PHACTR3: variants seen among roughly 807,000 people sequenced by gnomAD.
The protein encoded by PHACTR3 is protein phosphatase 1, regulatory subunit 123.
In PHACTR3, 16 loss-of-function variants were observed where a neutral mutation model predicts 66.8. The observed-to-expected ratio is 0.24, with a 90% CI of 0.16 to 0.36. The LOEUF (loss-of-function observed/expected upper bound fraction) is 0.36. PHACTR3 is among the 10% of genes least tolerant of loss of function. PHACTR3 has a pLI of 1.00. For synonymous variants in PHACTR3, 323 were observed against 292.1 expected (o/e 1.11, Z -1.08); for missense variants, 647 against 719.9 (o/e 0.90, Z 1.16).
At chr20:59,795,338 G>A (rs936141646) in intron 7 of PHACTR3, among the ~76,000 whole-genome samples, 4 of 152,086 alleles carry the variant, frequency 2.6e-5, no homozygotes, top group African/African-American at 9.7e-5. Flanking sequence ...TACCTTTGTA[G>A]TCAAAGAAGA....
In PHACTR3 at chr20:59,845,128, G is replaced by T. The variant is rs367583477; in HGVS notation, c.1588-61G>T. ...TTAGGAATGGTTAATTTATAAACAC[G>T]ATGCTAATTTCCTGATTTTTTTAAT... On this transcript the variant is annotated intron_variant, in intron 11 of 12. Coordinates refer to ENST00000371015, the MANE Select transcript of PHACTR3 (RefSeq NM_080672.5). The T allele has an allele frequency of 2.9e-6, 3 of 1,032,800 alleles. No homozygotes were observed. In the African/African-American group the frequency reaches 4.8e-5, roughly 17 times the overall value. 64.0% of individuals were successfully genotyped at this position (1,032,800 alleles called of 1,614,324 possible).
At position 59,650,596 on chromosome 20, in the gene PHACTR3, C is replaced by T. The variant is rs542265055; in HGVS notation, c.118+45464C>T. On this transcript the variant is annotated intron_variant, in intron 1 of 12. Transcript: ENST00000371015. ...CTGATGTTAGTGTAAATGGGTGTGA[C>T]CGCTTTGGAGAGCAATATGACCTAT... Among the ~76,000 whole-genome samples, 32 of 152,134 alleles carry T rather than the reference C, an allele frequency of 2.1e-4. No individual in the cohort carries two copies. In the South Asian group the frequency reaches 3.1e-3, roughly 15 times the overall value.
chr20:59,816,002 C>T (rs2041876892), intron 8 of PHACTR3, among the ~76,000 whole-genome samples: 2 of 152,000 alleles, frequency 1.3e-5, no homozygotes, highest in African/African-American at 2.4e-5. Flanking sequence ...AAGCACATTA[C>T]CTTTATTGTA....
chr20:59,659,987 G>C (rs2035756199), intron 1 of PHACTR3, among the ~76,000 whole-genome samples: 1 of 152,174 alleles, frequency 6.6e-6, no homozygotes, highest in Non-Finnish European at 1.5e-5. Flanking sequence ...ATGCCCTGGA[G>C]AGGTTTCTCC....
rs770238954 is a variant in PHACTR3, at chr20:59,605,144, G to A, written c.118+12G>A. 7.6e-7 allele frequency: 1 copy of A among 1,311,024 alleles called. No homozygotes were observed. The highest frequency in any genetic ancestry group is 9.8e-7 in the Non-Finnish European group (1 of 1,023,580). The allele number at this position is 1,311,024 out of a possible 1,614,324, so 81.2% of individuals were successfully genotyped here. On this transcript the variant is annotated intron_variant, in intron 1 of 12. Transcript: ENST00000371015. Reference sequence around the variant, plus strand: ...CGGGGAGAACCCAGGTAACGGGCTGGGCGGGGGCGGCGGGCGGGTCGGGGA... The same window carrying A: ...CGGGGAGAACCCAGGTAACGGGCTGAGCGGGGGCGGCGGGCGGGTCGGGGA...
intron 1 of PHACTR3, among the ~76,000 whole-genome samples, chr20:59,605,846 C>CG (rs200107140): frequency 0.37 from 2,839 of 7,684 alleles, 183 homozygotes; most frequent in East Asian, 0.57. Context: ...CCTAATAAAG[C>CG]GGGGGGGGAG....
chr20:59,681,749 C>T (rs1240478445), intron 1 of PHACTR3, among the ~76,000 whole-genome samples: 9 of 152,304 alleles, frequency 5.9e-5, no homozygotes, highest in African/African-American at 1.4e-4. Flanking sequence ...GGCGGCTCAC[C>T]CCTGTAATCT....
At chr20:59,618,253 T>C (rs553425299) in intron 1 of PHACTR3, among the ~76,000 whole-genome samples, 10 of 151,722 alleles carry the variant, frequency 6.6e-5, no homozygotes, top group Non-Finnish European at 1.2e-4. Context: ...AGCCAGACGG[T>C]TGGGGCCTCC....
chr20:59,593,500 T>TA (rs1342805192), intron 1 of PHACTR3, among the ~76,000 whole-genome samples: 1 of 152,002 alleles, frequency 6.6e-6, no homozygotes, highest in Non-Finnish European at 1.5e-5. Flanking sequence ...CTTTTTTTTT[T>TA]AATGAAGTCC....
chr20:59,810,619 C>CT (rs1222948486), intron 8 of PHACTR3, among the ~76,000 whole-genome samples: 1 of 152,194 alleles, frequency 6.6e-6, no homozygotes, highest in African/African-American at 2.4e-5. Context: ...TTGCGATTTC[C>CT]TTTTTTTAAT....
At chr20:59,726,320 T>A (rs977322229) in intron 1 of PHACTR3, among the ~76,000 whole-genome samples, 1 of 152,158 alleles carries the variant, frequency 6.6e-6, no homozygotes. Flanking sequence ...GCCTGGTGTG[T>A]GTGACCAGAA....
At chr20:59,598,584 G>A (rs1306852587) in intron 1 of PHACTR3, among the ~76,000 whole-genome samples, 1 of 152,206 alleles carries the variant, frequency 6.6e-6, no homozygotes, top group African/African-American at 2.4e-5. Context: ...CAGGGCAGAG[G>A]CCATGAATGG....
intron 1 of PHACTR3, among the ~76,000 whole-genome samples, chr20:59,620,614 C>T (rs574271430): frequency 1.2e-4 from 18 of 152,168 alleles, no homozygotes; most frequent in Admixed American, 9.2e-4. Context: ...TAAGCGATGT[C>T]GCTGGAGATC....
chr20:59,689,574 T>A (rs1198063597), intron 1 of PHACTR3, among the ~76,000 whole-genome samples: 1 of 152,166 alleles, frequency 6.6e-6, no homozygotes, highest in Non-Finnish European at 1.5e-5. Context: ...GGATGTTGTG[T>A]GGATTCTCCT....
intron 1 of PHACTR3, among the ~76,000 whole-genome samples, chr20:59,613,901 C>T (rs560759429): frequency 6.6e-6 from 1 of 152,210 alleles, no homozygotes; most frequent in African/African-American, 2.4e-5. Context: ...GTCACTGTTC[C>T]TCACAGAGCC....
chr20:59,802,853 A>T (rs1344626681), intron 7 of PHACTR3, among the ~76,000 whole-genome samples: 1 of 152,216 alleles, frequency 6.6e-6, no homozygotes, highest in East Asian at 1.9e-4. Context: ...CAATGCATGG[A>T]TGTTTATTGA....
rs2042303114 is a variant in PHACTR3 at position 59,829,933 on chromosome 20, A to G, written c.1329-6572A>G. ...TGGGTGGGGCTTCATTGGGGAAGCA[A>G]AGCTTGGGGAGCTGGAACTATGCTT... On this transcript the variant is annotated intron_variant, in intron 8 of 12. Coordinates refer to ENST00000371015, the MANE Select transcript of PHACTR3 (RefSeq NM_080672.5). The surrounding 1 kb of genome is among the most constrained non-coding windows in gnomAD (Gnocchi z 4.2). Among the ~76,000 whole-genome samples, 1 of 152,094 alleles carries G rather than the reference A, an allele frequency of 6.6e-6. No homozygotes were observed.
At chr20:59,783,815 G>T (rs887910449) in intron 7 of PHACTR3, among the ~76,000 whole-genome samples, 3 of 152,214 alleles carry the variant, frequency 2.0e-5, no homozygotes, top group Non-Finnish European at 4.4e-5. Flanking sequence ...TTCAAGATTG[G>T]GGCATGAGCA....
intron 8 of PHACTR3, 125 bp from the exon 9 acceptor site, chr20:59,836,380 T>C (rs2058965722): frequency 2.6e-6 from 2 of 778,776 alleles, no homozygotes; most frequent in Admixed American, 6.9e-5. Flanking sequence ...GTTCACTTTC[T>C]CTCCTTCCAA....
Sources: gnomAD v4.1 joint callset for allele counts (sites outside exome capture counted in the v4.1 genomes callset) on GRCh38, gnomAD v4.1.1 for gene constraint, Gnocchi (gnomAD v3.1) non-coding constraint, MANE v1.5 for transcripts, NCBI Gene and HGNC (gene_info 2026-07-23, HGNC 2026-07-21) for gene names.